The following STARD13 variants were observed in gnomAD, a reference collection of about 807,000 sequenced individuals.
STARD13 encodes stAR-related lipid transfer protein 13.
A neutral mutation model predicts 106.4 loss-of-function variants in STARD13; 62 were observed. That is an observed-to-expected ratio of 0.58 (90% CI 0.48 to 0.72). The LOEUF (loss-of-function observed/expected upper bound fraction) is 0.72. Among genes scored for constraint, STARD13 ranks in the 30% least tolerant of loss-of-function variants. The probability of loss-of-function intolerance (pLI) is 0.00; values close to 1 mark genes in which losing one functional copy is unlikely to be tolerated. For synonymous variants in STARD13, 565 were observed against 553.0 expected (o/e 1.02, Z -0.31); for missense variants, 1,387 against 1,424.0 (o/e 0.97, Z 0.42).
the STARD13 span, chr13:33,524,381 A>C: frequency 2.8e-6 from 2 of 712,972 alleles, no homozygotes; most frequent in Admixed American, 4.8e-5. Context: ...TCCTGTAAAA[A>C]AATTTTTTAA....
At chr13:33,559,163 T>G in the STARD13 span, among the ~76,000 whole-genome samples, 1 of 151,666 alleles carries the variant, frequency 6.6e-6, no homozygotes, top group South Asian at 2.1e-4. Flanking sequence ...GAGGAAAGGT[T>G]TGGAAAATGC....
At chr13:33,477,221 C>G in the STARD13 span, among the ~76,000 whole-genome samples, 4 of 152,156 alleles carry the variant, frequency 2.6e-5, no homozygotes, top group Non-Finnish European at 1.5e-5. Context: ...TACAAACTTA[C>G]TTTTCAGCTT....
intron 1 of STARD13, among the ~76,000 whole-genome samples, chr13:33,179,627 G>C (rs1885034717): frequency 6.6e-6 from 1 of 152,152 alleles, no homozygotes; most frequent in African/African-American, 2.4e-5. Context: ...CTGCTGGTAG[G>C]TGCTGAAGGT....
chr13:33,480,975 T>C, the STARD13 span, among the ~76,000 whole-genome samples: 1 of 152,084 alleles, frequency 6.6e-6, no homozygotes, highest in Admixed American at 6.6e-5. Flanking sequence ...TGACCAAAGA[T>C]GGTAAACTTT....
At chr13:33,655,987 G>A in the STARD13 span, among the ~76,000 whole-genome samples, 1 of 152,070 alleles carries the variant, frequency 6.6e-6, no homozygotes, top group Non-Finnish European at 1.5e-5. Flanking sequence ...CCACCACTCT[G>A]GTCCACACCA....
intron 1 of STARD13, among the ~76,000 whole-genome samples, chr13:33,275,181 T>A (rs1400564506): frequency 1.3e-5 from 2 of 152,168 alleles, no homozygotes; most frequent in Non-Finnish European, 2.9e-5. Flanking sequence ...ATGGTTTTCA[T>A]TACAGTTTAA....
At chr13:33,466,287 A>C in the STARD13 span, among the ~76,000 whole-genome samples, 1 of 152,190 alleles carries the variant, frequency 6.6e-6, no homozygotes, top group Non-Finnish European at 1.5e-5. Flanking sequence ...TTATGACGGG[A>C]CTCTAACTCT....
At chr13:33,308,515 T>C (rs1893001611) in intron 1 of STARD13, among the ~76,000 whole-genome samples, 1 of 117,158 alleles carries the variant, frequency 8.5e-6, no homozygotes, top group South Asian at 3.2e-4. Context: ...TTTTTCTTTT[T>C]CTTTCTTTTT....
intron 1 of STARD13, among the ~76,000 whole-genome samples, chr13:33,318,471 A>T (rs1038934960): frequency 1.7e-4 from 26 of 152,332 alleles, no homozygotes; most frequent in African/African-American, 5.1e-4. Context: ...AGTTAAAGCT[A>T]TAAAACTCTT....
In STARD13 at chr13:33,246,813, C is replaced by G. The variant is rs985646375; in HGVS notation, c.169+38657G>C. Among the ~76,000 whole-genome samples, 7 of 152,148 alleles carry G rather than the reference C, an allele frequency of 4.6e-5. No individual in the cohort carries two copies. The East Asian group carries it at 1.3e-3, about 29-fold the overall frequency. Reference sequence around the variant, plus strand: ...GTTGGCAAGAGAATTAAGATTGCTTCTTGGAAGAAGACCTTGAAGGATGGA... The same window carrying G: ...GTTGGCAAGAGAATTAAGATTGCTTGTTGGAAGAAGACCTTGAAGGATGGA... On this transcript the variant is annotated intron_variant, in intron 1 of 13. Transcript: ENST00000336934.
At chr13:33,303,164 C>T (rs376484776) in intron 1 of STARD13, among the ~76,000 whole-genome samples, 4 of 152,180 alleles carry the variant, frequency 2.6e-5, no homozygotes, top group African/African-American at 9.7e-5. Context: ...CTACTCCTTC[C>T]TCCTCATTCC....
the STARD13 span, among the ~76,000 whole-genome samples, chr13:33,559,999 T>C: frequency 6.6e-6 from 1 of 151,730 alleles, no homozygotes; most frequent in South Asian, 2.1e-4. Context: ...TCTGGAACTA[T>C]GAAATATATG....
At chr13:33,321,143 T>G (rs1893545053) in intron 1 of STARD13, among the ~76,000 whole-genome samples, 1 of 152,182 alleles carries the variant, frequency 6.6e-6, no homozygotes. Context: ...TCGCCCCCTT[T>G]GTTCTTTTGT....
the STARD13 span, among the ~76,000 whole-genome samples, chr13:33,433,308 G>A: frequency 4.3e-4 from 65 of 152,288 alleles, no homozygotes; most frequent in South Asian, 0.013. Context: ...CTATCTCCCA[G>A]AAGACCTCAA....
intron 1 of STARD13, among the ~76,000 whole-genome samples, chr13:33,250,263 G>A (rs555410559): frequency 6.6e-6 from 1 of 152,228 alleles, no homozygotes; most frequent in African/African-American, 2.4e-5. Flanking sequence ...TACTTTGGGG[G>A]GCCAATTATC....
the STARD13 span, among the ~76,000 whole-genome samples, chr13:33,501,847 T>A: frequency 6.6e-6 from 1 of 152,124 alleles, no homozygotes; most frequent in African/African-American, 2.4e-5. Flanking sequence ...CTTAGGATTG[T>A]CATGGCAATG....
chr13:33,186,019 G>T (rs371576770), intron 1 of STARD13: 1 of 1,614,012 alleles, frequency 6.2e-7, no homozygotes, highest in African/African-American at 1.3e-5. Context: ...GAGGGTTCCA[G>T]CATGGAGGTT....
At chr13:33,340,355 T>G (rs1371435740) in intron 1 of STARD13, among the ~76,000 whole-genome samples, 23 of 151,840 alleles carry the variant, frequency 1.5e-4, no homozygotes, top group Admixed American at 1.5e-3. Context: ...GACAGGCACG[T>G]GACACCATGT....
At chr13:33,214,635 G>C (rs1034412086) in intron 1 of STARD13, among the ~76,000 whole-genome samples, 1 of 151,128 alleles carries the variant, frequency 6.6e-6, no homozygotes, top group Admixed American at 6.6e-5. Flanking sequence ...ATAAATCCCA[G>C]ATTTTCTTTT....
Sources: gnomAD v4.1 joint callset for allele counts (sites outside exome capture counted in the v4.1 genomes callset) on GRCh38, gnomAD v4.1.1 for gene constraint, MANE v1.5 for transcripts, NCBI Gene and HGNC (gene_info 2026-07-23, HGNC 2026-07-21) for gene names.